ARID2: variants seen among roughly 807,000 people sequenced by gnomAD.
ARID2 encodes the protein AT-rich interaction domain 2, also known as AT-rich interactive domain-containing protein 2.
In ARID2, 32 loss-of-function variants were observed where a neutral mutation model predicts 184.6. That is an observed-to-expected ratio of 0.17 (90% CI 0.13 to 0.23). ARID2 has a LOEUF of 0.23. Among genes scored for constraint, ARID2 ranks in the 10% least tolerant of loss-of-function variants. The pLI is 1.00. For synonymous variants in ARID2, 836 were observed against 772.6 expected (o/e 1.08, Z -1.36); for missense variants, 1,696 against 2,197.6 (o/e 0.77, Z 4.56).
rs549114248 is a variant in ARID2, at chr12:45,734,057, T to A, written c.284+2743T>A. Among the ~76,000 whole-genome samples, 50 of 152,270 alleles carry A rather than the reference T, an allele frequency of 3.3e-4. 1 individual carries two copies. Among genetic ancestry groups the A allele is most frequent in the African/African-American group, 1.2e-3 (49 of 41,558 alleles). Reference sequence around the variant, plus strand: ...AAAAAAGTAAAGTGCTTACAGATAATGTGTAAAAGCAGTCTATTTAAAAAT... The same window carrying A: ...AAAAAAGTAAAGTGCTTACAGATAAAGTGTAAAAGCAGTCTATTTAAAAAT... On this transcript the variant is annotated intron_variant, in intron 3 of 20. Coordinates refer to ENST00000334344, the MANE Select transcript of ARID2 (RefSeq NM_152641.4).
At position 45,846,775 on chromosome 12, in the gene ARID2, G is replaced by T. The variant is rs558095437; in HGVS notation, c.1499-81G>T. On this transcript the variant is annotated intron_variant, in intron 11 of 20. Coordinates refer to ENST00000334344, the MANE Select transcript of ARID2 (RefSeq NM_152641.4). ...AAAAAGGTATTCATTGTGTTAATGG[G>T]TTCAATATCCATAAAAAAAAGTATG... The T allele has an allele frequency of 6.2e-5, 81 of 1,314,560 alleles. No individual in the cohort carries two copies. In the East Asian group the frequency reaches 1.9e-3, roughly 31 times the overall value. 81.4% of individuals were successfully genotyped at this position (1,314,560 alleles called of 1,614,324 possible). A position where few individuals can be genotyped will look rare whatever the true frequency, so the allele number is the denominator to read the frequency against.
intron 16 of ARID2, among the ~76,000 whole-genome samples, chr12:45,889,706 G>A (rs1319355528): frequency 6.6e-6 from 1 of 152,236 alleles, no homozygotes; most frequent in African/African-American, 2.4e-5. Flanking sequence ...TTGGAAGGCC[G>A]AGGCGGGTGG....
chr12:45,849,164 A>G (rs974466661), intron 13 of ARID2, among the ~76,000 whole-genome samples, 194 bp downstream of exon 13: 2 of 152,126 alleles, frequency 1.3e-5, no homozygotes, highest in African/African-American at 4.8e-5. Context: ...TTTGTGTTGG[A>G]ACATTATGAG....
chr12:45,848,857 A>T lies in ARID2; in HGVS notation c.1602A>T (p.Val534=). Residue 534 remains valine (V), a synonymous_variant, in exon 13 of 21, where the codon GTA becomes GTT. Transcript: ENST00000334344. ...TTAGGCTAAATGCTCATTTTGAAGT[A>T]AATCCAGATTGTTCTGTTTCTCGAG... The part of the protein sequence containing the change: ...ACQWLNAHFE[V]NPDCSVSRAE... 6.2e-7 allele frequency: 1 copy of T among 1,611,710 alleles called. No homozygotes were observed. The highest frequency in any genetic ancestry group is 8.5e-7 in the Non-Finnish European group (1 of 1,178,648).
chr12:45,881,057 G>A, intron 16 of ARID2: 1 of 173,826 alleles, frequency 5.8e-6, no homozygotes, highest in Admixed American at 5.8e-5. Context: ...TTGTAGTCCT[G>A]CTGCAGGTTC....
intron 4 of ARID2, 57 bp downstream of exon 4, chr12:45,811,608 A>G (rs1319702691): frequency 1.3e-6 from 2 of 1,580,494 alleles, no homozygotes; most frequent in African/African-American, 2.7e-5. Context: ...TTAGGAAAAT[A>G]GACATCATCC....
intron 12 of ARID2, among the ~76,000 whole-genome samples, chr12:45,847,412 G>T (rs1943463257): frequency 6.6e-6 from 1 of 151,904 alleles, no homozygotes; most frequent in Non-Finnish European, 1.5e-5. Flanking sequence ...ATAGTAGACG[G>T]ACATTAATCA....
rs556831985 is a variant in ARID2, at chr12:45,872,522, A to AG, written c.4922+11575dup. ...AGTTTTGCATGGCTGGGAAGGCCTC[A>AG]GGAAAGCAACAATCATGACAGAAAG... On this transcript the variant is annotated intron_variant, in intron 16 of 20. Coordinates refer to ENST00000334344, the MANE Select transcript of ARID2 (RefSeq NM_152641.4). Among the ~76,000 whole-genome samples, 13 of 152,308 alleles carry AG rather than the reference A, an allele frequency of 8.5e-5. 1 individual carries two copies. The South Asian group carries it at 2.7e-3, about 32-fold the overall frequency.
intron 3 of ARID2, among the ~76,000 whole-genome samples, chr12:45,750,185 C>T (rs1008037482): frequency 6.6e-6 from 1 of 152,254 alleles, no homozygotes; most frequent in East Asian, 1.9e-4. Flanking sequence ...CCGTTGTGGC[C>T]TAATTTCAAT....
At chr12:45,864,692 G>C (rs182955542) in intron 16 of ARID2, among the ~76,000 whole-genome samples, 2 of 152,118 alleles carry the variant, frequency 1.3e-5, no homozygotes, top group Non-Finnish European at 2.9e-5. Context: ...AAATGATATT[G>C]TGTACTTCCA....
In ARID2 at chr12:45,846,945, G is replaced by A. The variant is rs766014897; in HGVS notation, c.1580+8G>A. 2 of 1,611,472 alleles carry A rather than the reference G, an allele frequency of 1.2e-6. No homozygotes were observed. Among genetic ancestry groups the A allele is most frequent in the African/African-American group, 2.7e-5 (2 of 74,810 alleles). ...GAAGTTTGCTTGTCAGTGGTAAGTG[G>A]TTTATTTCTATTAAGGATTTATCCT... On this transcript the variant is annotated splice_region_variant and intron_variant, in intron 12 of 20. Transcript: ENST00000334344.
chr12:45,777,428 A>G lies in ARID2; in HGVS notation c.285-33990A>G, dbSNP rs1412499578. Among the ~76,000 whole-genome samples, 4 of 152,224 alleles carry G rather than the reference A, an allele frequency of 2.6e-5. No individual in the cohort carries two copies. In the East Asian group the frequency reaches 7.7e-4, roughly 29 times the overall value. On this transcript the variant is annotated intron_variant, in intron 3 of 20. Transcript: ENST00000334344. The stretch of plus-strand genomic sequence containing the variant: ...TTGAGATGATAGTGTATTGTGTATA[A>G]TATATAGAAGATACAATCACATTAA...
intron 6 of ARID2, among the ~76,000 whole-genome samples, chr12:45,824,710 T>TA (rs1382289239): frequency 3.3e-5 from 5 of 151,916 alleles, no homozygotes; most frequent in Admixed American, 2.0e-4. Flanking sequence ...TGGAAAACGG[T>TA]ATCCCACTAC....
At chr12:45,786,874 A>G (rs1400234651) in intron 3 of ARID2, among the ~76,000 whole-genome samples, 1 of 152,208 alleles carries the variant, frequency 6.6e-6, no homozygotes, top group Non-Finnish European at 1.5e-5. Flanking sequence ...GTTAAGTAAA[A>G]TGAGTCAGGC....
At chr12:45,735,418 CGT>C (rs56133410) in intron 3 of ARID2, among the ~76,000 whole-genome samples, 30,137 of 141,102 alleles carry the variant, frequency 0.21, 2,981 homozygotes, top group African/African-American at 0.26. Flanking sequence ...TAAACTGTAT[CGT>C]GTGTGTGTGT....
intron 20 of ARID2, among the ~76,000 whole-genome samples, chr12:45,903,436 C>A (rs1469173708): frequency 6.6e-6 from 1 of 152,174 alleles, no homozygotes; most frequent in Non-Finnish European, 1.5e-5. Flanking sequence ...TCAATTGACA[C>A]TCTATAGAAA....
chr12:45,825,860 T>C (rs897929716), intron 6 of ARID2, among the ~76,000 whole-genome samples: 1 of 151,926 alleles, frequency 6.6e-6, no homozygotes, highest in Non-Finnish European at 1.5e-5. Flanking sequence ...TGAGACCCTG[T>C]CTTTAAGGGG....
Position 45,906,206 on chromosome 12 carries a change from CA to C in ARID2, c.*1129del, listed in dbSNP as rs1464757125. On this transcript the variant is annotated 3_prime_UTR_variant, in exon 21 of 21. Coordinates refer to ENST00000334344, the MANE Select transcript of ARID2 (RefSeq NM_152641.4). ...TCCTGTGTTATATATGCATTATGTG[CA>C]GGTATGATATTTTCTTCACTACTTT... is the stretch of plus-strand genomic sequence containing the variant. 8.6e-6 allele frequency: 2 copies of C among 232,498 alleles called. No individual in the cohort carries two copies. Among genetic ancestry groups the C allele is most frequent in the Non-Finnish European group, 1.7e-5 (2 of 117,532 alleles). The allele number at this position is 232,498 out of a possible 1,614,324, so 14.4% of individuals were successfully genotyped here.
intron 16 of ARID2, among the ~76,000 whole-genome samples, chr12:45,868,666 A>G (rs1279338634): frequency 6.6e-6 from 1 of 152,186 alleles, no homozygotes; most frequent in Non-Finnish European, 1.5e-5. Context: ...GTATAAAATG[A>G]GGTATGAGCC....
Sources: gnomAD v4.1 joint callset for allele counts (sites outside exome capture counted in the v4.1 genomes callset) on GRCh38, gnomAD v4.1.1 for gene constraint, MANE v1.5 for transcripts, NCBI Gene and HGNC (gene_info 2026-07-23, HGNC 2026-07-21) for gene names.